CD300E: variants seen among roughly 807,000 people sequenced by gnomAD.
CD300E encodes the protein CD300e molecule.
In CD300E, 14 loss-of-function variants were observed where a neutral mutation model predicts 20.9. That is an observed-to-expected ratio of 0.67 (90% CI 0.44 to 1.05). The LOEUF (loss-of-function observed/expected upper bound fraction) is 1.05. Ranked by LOEUF, CD300E falls within the 50% of genes least tolerant of loss-of-function variation. The probability of loss-of-function intolerance (pLI) is 0.00; values close to 1 mark genes in which losing one functional copy is unlikely to be tolerated. For missense variants in CD300E, 237 were observed against 253.9 expected (o/e 0.93, Z 0.45); for synonymous variants, 102 against 103.7 (o/e 0.98, Z 0.10).
intron 3 of CD300E, among the ~76,000 whole-genome samples, chr17:74,613,594 T>C (rs953675406): frequency 7.2e-5 from 11 of 152,064 alleles, no homozygotes; most frequent in African/African-American, 2.7e-4. Flanking sequence ...CAAAGACCTT[T>C]GAAAAGGGCC....
In CD300E at chr17:74,614,741, C is replaced by T. The variant is rs150768161; in HGVS notation, c.389-708G>A. On this transcript the variant is annotated intron_variant, in intron 2 of 3. Transcript: ENST00000392619. Reference sequence around the variant, plus strand: ...AGGTGATCTGCCCTCCTTGGCCTCCCAAAGTGCTGGGATTACAGGCGTGAG... The same window carrying T: ...AGGTGATCTGCCCTCCTTGGCCTCCTAAAGTGCTGGGATTACAGGCGTGAG... Among the ~76,000 whole-genome samples the T allele has an allele frequency of 2.0e-5, 3 of 152,312 alleles. No individual in the cohort carries two copies. In the East Asian group the frequency reaches 5.8e-4, roughly 29 times the overall value.
intron 1 of CD300E, chr17:74,619,199 T>C: frequency 4.3e-6 from 2 of 467,100 alleles, no homozygotes; most frequent in South Asian, 1.6e-5. Flanking sequence ...TTTCCCACAG[T>C]GGGAGCTTGG....
chr17:74,614,079 C>T (rs1475126629), intron 2 of CD300E, 46 bp from the exon 3 acceptor site: 1 of 1,441,406 alleles, frequency 6.9e-7, no homozygotes, highest in African/African-American at 1.4e-5. Flanking sequence ...GGGCTCCCAG[C>T]CATGCACAGA....
Position 74,612,467 on chromosome 17 carries a change from A to AC in CD300E, c.*185dup. 2 of 628,928 alleles carry AC rather than the reference A, an allele frequency of 3.2e-6. No individual in the cohort carries two copies. The highest frequency in any genetic ancestry group is 3.0e-5 in the Admixed American group (1 of 33,782). 39.0% of individuals were successfully genotyped at this position (628,928 alleles called of 1,614,324 possible). ...AGGGGACTGGGGAGGAGAAAGGAGG[A>AC]CCCCCAAGCTGCACATTGAGGACTC... On this transcript the variant is annotated 3_prime_UTR_variant, in exon 4 of 4. Transcript: ENST00000392619.
chr17:74,622,686 T>A (rs2031045765), intron 1 of CD300E, among the ~76,000 whole-genome samples: 1 of 152,178 alleles, frequency 6.6e-6, no homozygotes, highest in South Asian at 2.1e-4. Flanking sequence ...TTCATTTACT[T>A]GTTTACACCA....
rs1189559626 is a variant in CD300E, at chr17:74,609,894, T to C, written c.*2759A>G. On this transcript the variant is annotated 3_prime_UTR_variant, in exon 4 of 4. Transcript: ENST00000392619. The stretch of plus-strand genomic sequence containing the variant: ...AGAACAATGCACCATAGACACACAA[T>C]AAAAGTTTATTGAATGAATGAGTAA... The C allele has an allele frequency of 1.3e-5, 2 of 149,542 alleles. No individual in the cohort carries two copies. Among genetic ancestry groups the C allele is most frequent in the Non-Finnish European group, 3.0e-5 (2 of 67,192 alleles). 9.3% of individuals were successfully genotyped at this position (149,542 alleles called of 1,614,324 possible). A position where few individuals can be genotyped will look rare whatever the true frequency, so the allele number is the denominator to read the frequency against.
chr17:74,614,082 T>G, intron 2 of CD300E, 49 bp from the exon 3 acceptor site: 1 of 1,366,564 alleles, frequency 7.3e-7, no homozygotes, highest in Non-Finnish European at 1.0e-6. Flanking sequence ...CTCCCAGCCA[T>G]GCACAGAACA....
chr17:74,620,451 C>T (rs567799756), intron 1 of CD300E, among the ~76,000 whole-genome samples: 1 of 152,098 alleles, frequency 6.6e-6, no homozygotes, highest in African/African-American at 2.4e-5. Flanking sequence ...GGCTGGGCAA[C>T]AGAGAGAGAC....
rs2030780469 is a variant in CD300E at position 74,611,662 on chromosome 17, G to A, written c.*991C>T. ...TGGAAAAGGTTAATTGCTAACAGGT[G>A]GTCTCAGCCAGACTTCTAAAGTGGA... On this transcript the variant is annotated 3_prime_UTR_variant, in exon 4 of 4. Coordinates refer to ENST00000392619, the MANE Select transcript of CD300E (RefSeq NM_181449.3). 6.6e-6 allele frequency: 1 copy of A among 152,280 alleles called. No homozygotes were observed. The highest frequency in any genetic ancestry group is 1.5e-5 in the Non-Finnish European group (1 of 68,096). The allele number at this position is 152,280 out of a possible 1,614,324, so 9.4% of individuals were successfully genotyped here.
At chr17:74,615,806 C>T (rs2030887341) in intron 2 of CD300E, among the ~76,000 whole-genome samples, 1 of 152,170 alleles carries the variant, frequency 6.6e-6, no homozygotes, top group South Asian at 2.1e-4. Context: ...AAATGTCAGG[C>T]TGGGCATGGT....
At position 74,612,620 on chromosome 17, in the gene CD300E, T is replaced by G. The variant is rs755077688; in HGVS notation, c.*33A>C. ...TCCCTGCACGGGGCACTCCTGGGGATGGGGCTCTGCAGGGCTTCGGGTCAG... is the reference window on the plus strand; with the variant it reads ...TCCCTGCACGGGGCACTCCTGGGGAGGGGGCTCTGCAGGGCTTCGGGTCAG... On this transcript the variant is annotated 3_prime_UTR_variant, in exon 4 of 4. Coordinates refer to ENST00000392619, the MANE Select transcript of CD300E (RefSeq NM_181449.3). 10 of 1,610,206 alleles carry G rather than the reference T, an allele frequency of 6.2e-6. No homozygotes were observed. Among genetic ancestry groups the G allele is most frequent in the African/African-American group, 5.3e-5 (4 of 74,854 alleles).
intron 1 of CD300E, among the ~76,000 whole-genome samples, chr17:74,620,179 A>G (rs2030990117): frequency 1.3e-5 from 2 of 151,896 alleles, no homozygotes; most frequent in African/African-American, 2.4e-5. Context: ...TCTACTAAAA[A>G]TACAAAAATT....
intron 1 of CD300E, among the ~76,000 whole-genome samples, chr17:74,619,781 G>A (rs2030981265): frequency 6.6e-6 from 1 of 152,088 alleles, no homozygotes; most frequent in South Asian, 2.1e-4. Flanking sequence ...AGGTTTGGGG[G>A]GTCTTTCTGG....
chr17:74,622,113 T>G (rs1333249522), intron 1 of CD300E, among the ~76,000 whole-genome samples: 1 of 151,980 alleles, frequency 6.6e-6, no homozygotes, highest in Non-Finnish European at 1.5e-5. Flanking sequence ...CAACGTTTGC[T>G]TATTTTGTAT....
intron 1 of CD300E, among the ~76,000 whole-genome samples, chr17:74,622,723 T>C (rs2031046567): frequency 7.1e-6 from 1 of 141,648 alleles, no homozygotes; most frequent in Non-Finnish European, 1.5e-5. Context: ...GGATTTAAGG[T>C]AGATGTTGAG....
chr17:74,617,660 G>A (rs1598150590), intron 1 of CD300E, among the ~76,000 whole-genome samples, 195 bp from the exon 2 acceptor site: 1 of 152,240 alleles, frequency 6.6e-6, no homozygotes, highest in Middle Eastern at 3.4e-3. Context: ...GTGAGAGCAG[G>A]GACACCAAGT....
intron 3 of CD300E, among the ~76,000 whole-genome samples, chr17:74,613,250 G>A (rs913307645): frequency 2.6e-5 from 4 of 152,104 alleles, no homozygotes; most frequent in African/African-American, 4.8e-5. Context: ...GACTACAGGC[G>A]CACCACCACA....
chr17:74,619,808 C>T (rs2030981926), intron 1 of CD300E, among the ~76,000 whole-genome samples: 1 of 152,154 alleles, frequency 6.6e-6, no homozygotes, highest in Non-Finnish European at 1.5e-5. Flanking sequence ...AACTTTACAA[C>T]TTTTCAAGCC....
intron 1 of CD300E, chr17:74,619,123 T>C (rs2143368011): frequency 2.1e-6 from 1 of 471,298 alleles, no homozygotes; most frequent in African/African-American, 2.0e-5. Flanking sequence ...GCCCCCAGCT[T>C]CCTCCTGGAG....
Sources: gnomAD v4.1 joint callset for allele counts (sites outside exome capture counted in the v4.1 genomes callset) on GRCh38, gnomAD v4.1.1 for gene constraint, MANE v1.5 for transcripts, NCBI Gene and HGNC (gene_info 2026-07-23, HGNC 2026-07-21) for gene names.